SGCZ: variants seen among roughly 807,000 people sequenced by gnomAD.
SGCZ encodes the protein sarcoglycan zeta.
In SGCZ, 40 loss-of-function variants were observed where a neutral mutation model predicts 41.3. That is an observed-to-expected ratio of 0.97 (90% CI 0.75 to 1.26). The LOEUF (loss-of-function observed/expected upper bound fraction) is 1.26, where lower values mean the gene tolerates loss of function less well. SGCZ is among the 50% of genes most tolerant of loss of function. SGCZ has a pLI of 0.00. For missense variants in SGCZ, 552 were observed against 369.8 expected (o/e 1.49, Z -4.04); for synonymous variants, 206 against 137.5 (o/e 1.50, Z -3.49).
At chr8:14,494,087 G>A (rs1297226095) in intron 2 of SGCZ, among the ~76,000 whole-genome samples, 1 of 152,164 alleles carries the variant, frequency 6.6e-6, no homozygotes, top group African/African-American at 2.4e-5. Context: ...GTGTTTTCAG[G>A]AGGAAGCATG....
rs916029908 is a variant in SGCZ at position 14,903,754 on chromosome 8, C to T, written c.39+333831G>A. On this transcript the variant is annotated intron_variant, in intron 1 of 7. Transcript: ENST00000382080. ...AGGGACAGTCAGAGTACATTATATA[C>T]TAGTCAGAGTATGAGTGATTATCTC... is the stretch of plus-strand genomic sequence containing the variant. 3.9e-5 allele frequency among the ~76,000 whole-genome samples: 6 copies of T among 151,998 alleles called. No homozygotes were observed. In the South Asian group the frequency reaches 6.2e-4, roughly 16 times the overall value.
intron 1 of SGCZ, among the ~76,000 whole-genome samples, chr8:14,949,244 C>T (rs550363015): frequency 1.3e-5 from 2 of 152,182 alleles, no homozygotes; most frequent in South Asian, 4.1e-4. Flanking sequence ...ATAATAGTAG[C>T]TATAAAATAT....
At chr8:14,814,927 T>C (rs1585285046) in intron 1 of SGCZ, among the ~76,000 whole-genome samples, 1 of 152,340 alleles carries the variant, frequency 6.6e-6, no homozygotes, top group East Asian at 1.9e-4. Context: ...AATTAATGTT[T>C]GCTGTTTCTG....
chr8:14,566,621 T>G (rs550064968), intron 1 of SGCZ, among the ~76,000 whole-genome samples: 1 of 152,362 alleles, frequency 6.6e-6, no homozygotes, highest in Non-Finnish European at 1.5e-5. Flanking sequence ...GCTACCTTCT[T>G]CTTTTGTTTT....
intron 1 of SGCZ, among the ~76,000 whole-genome samples, chr8:14,923,430 A>G (rs1006294182): frequency 4.6e-5 from 7 of 152,188 alleles, no homozygotes; most frequent in African/African-American, 1.4e-4. Context: ...TGCAGAGACA[A>G]TGTAGAGATG....
chr8:14,147,503 G>T (rs2116941923), intron 5 of SGCZ, among the ~76,000 whole-genome samples: 1 of 152,292 alleles, frequency 6.6e-6, no homozygotes, highest in East Asian at 1.9e-4. Context: ...TATCGATTCA[G>T]CAAGAGGATA....
At chr8:14,945,442 A>C (rs1563381539) in intron 1 of SGCZ, among the ~76,000 whole-genome samples, 1 of 152,120 alleles carries the variant, frequency 6.6e-6, no homozygotes, top group Non-Finnish European at 1.5e-5. Flanking sequence ...CTTGGCAGTC[A>C]TTCTAAGCAC....
At chr8:14,333,624 T>A (rs1802411561) in intron 2 of SGCZ, among the ~76,000 whole-genome samples, 1 of 152,110 alleles carries the variant, frequency 6.6e-6, no homozygotes, top group South Asian at 2.1e-4. Flanking sequence ...TTCAGATGAG[T>A]TTGCAGTAGA....
chr8:14,428,078 A>T (rs1032043247), intron 2 of SGCZ, among the ~76,000 whole-genome samples: 2 of 151,528 alleles, frequency 1.3e-5, no homozygotes, highest in African/African-American at 4.9e-5. Context: ...CAAACCCCGC[A>T]GATACTGAAG....
intron 1 of SGCZ, among the ~76,000 whole-genome samples, chr8:15,032,457 C>T (rs1382852431): frequency 6.6e-6 from 1 of 152,090 alleles, no homozygotes. Context: ...GGACCCAACA[C>T]CAGGCCCACT....
In SGCZ at chr8:14,679,703, G is replaced by A. The variant is rs991852026; in HGVS notation, c.40-124777C>T. On this transcript the variant is annotated intron_variant, in intron 1 of 7. Transcript: ENST00000382080. Reference sequence around the variant, plus strand: ...AGAAAAATATTCTCATAAATTTAGTGTAGCCTAAGGTACAGTGTTTATAAA... The same window carrying A: ...AGAAAAATATTCTCATAAATTTAGTATAGCCTAAGGTACAGTGTTTATAAA... Among the ~76,000 whole-genome samples the A allele has an allele frequency of 4.6e-5, 7 of 151,816 alleles. No individual in the cohort carries two copies. In the South Asian group the frequency reaches 6.2e-4, roughly 14 times the overall value.
chr8:14,646,527 A>C (rs73188140), intron 1 of SGCZ, among the ~76,000 whole-genome samples: 3,434 of 151,988 alleles, frequency 0.023, 60 homozygotes, highest in South Asian at 0.054. Context: ...ACATACAAGA[A>C]CATGTCTCCT....
intron 1 of SGCZ, among the ~76,000 whole-genome samples, chr8:15,039,020 A>C (rs965359393): frequency 2.0e-5 from 3 of 152,106 alleles, no homozygotes; most frequent in Non-Finnish European, 4.4e-5. Flanking sequence ...ATATTTGTAC[A>C]CTGTTGGTGG....
chr8:14,679,888 A>AT (rs533862280), intron 1 of SGCZ, among the ~76,000 whole-genome samples: 2 of 151,052 alleles, frequency 1.3e-5, no homozygotes, highest in Non-Finnish European at 3.0e-5. Context: ...TATATTTTTT[A>AT]TTTTTTTAAC....
chr8:14,652,438 T>C (rs1328618174), intron 1 of SGCZ, among the ~76,000 whole-genome samples: 1 of 151,798 alleles, frequency 6.6e-6, no homozygotes, highest in Non-Finnish European at 1.5e-5. Context: ...CAATGATATC[T>C]ATAAGCAATT....
At chr8:14,993,581 A>G (rs1422902266) in intron 1 of SGCZ, among the ~76,000 whole-genome samples, 1 of 152,230 alleles carries the variant, frequency 6.6e-6, no homozygotes, top group Non-Finnish European at 1.5e-5. Context: ...AAAATGTGAT[A>G]GAGAATGGTC....
intron 1 of SGCZ, among the ~76,000 whole-genome samples, chr8:14,961,903 G>A (rs901349777): frequency 1.3e-5 from 2 of 152,178 alleles, no homozygotes; most frequent in Non-Finnish European, 2.9e-5. Context: ...CAACACAGGA[G>A]CAAGCCAATG....
At chr8:14,514,649 T>C (rs1335102788) in intron 2 of SGCZ, among the ~76,000 whole-genome samples, 3 of 149,632 alleles carry the variant, frequency 2.0e-5, no homozygotes, top group South Asian at 4.2e-4. Flanking sequence ...GCTTAAATAT[T>C]TTGGACTTTA....
intron 1 of SGCZ, among the ~76,000 whole-genome samples, chr8:14,644,940 A>G (rs558665560): frequency 3.1e-5 from 2 of 64,126 alleles, no homozygotes; most frequent in Non-Finnish European, 6.8e-5. Context: ...GCCTTTGTGT[A>G]GTTGCATAAA....
Sources: allele counts gnomAD v4.1 joint callset (sites outside exome capture counted in the v4.1 genomes callset), GRCh38; gene constraint gnomAD v4.1.1; transcripts MANE v1.5; gene names NCBI Gene and HGNC (gene_info 2026-07-23, HGNC 2026-07-21).